TNN: variants seen among roughly 807,000 people sequenced by gnomAD.
TNN encodes tenascin-N.
Under a neutral mutation model 134.4 loss-of-function variants are expected in TNN, and 122 were observed. The observed-to-expected ratio is 0.91, with a 90% confidence interval of 0.78 to 1.06. TNN has a LOEUF of 1.06. Ranked by LOEUF, TNN falls within the 50% of genes least tolerant of loss-of-function variation. TNN has a pLI of 0.00. For synonymous variants in TNN, 710 were observed against 670.3 expected (o/e 1.06, Z -0.91); for missense variants, 1,739 against 1,699.4 (o/e 1.02, Z -0.41).
At chr1:175,078,582 G>A (rs528366394) in intron 2 of TNN, among the ~76,000 whole-genome samples, 5 of 152,192 alleles carry the variant, frequency 3.3e-5, no homozygotes, top group African/African-American at 9.6e-5. Flanking sequence ...TACAGAACTC[G>A]GCACCAGGGA....
At chr1:175,131,292 A>G (rs1675667660) in intron 15 of TNN, among the ~76,000 whole-genome samples, 1 of 152,200 alleles carries the variant, frequency 6.6e-6, no homozygotes. Flanking sequence ...GAAAGTCTTA[A>G]TGCATTAGAG....
intron 1 of TNN, 102 bp from the exon 2 acceptor site, chr1:175,077,282 C>T: frequency 1.1e-6 from 1 of 884,430 alleles, no homozygotes; most frequent in South Asian, 1.7e-5. Flanking sequence ...GTTCTTTCTG[C>T]TGGTTTCCCA....
chr1:175,103,568 GT>G (rs1348324834), intron 9 of TNN, among the ~76,000 whole-genome samples: 2 of 145,480 alleles, frequency 1.4e-5, no homozygotes, highest in Non-Finnish European at 1.5e-5. Flanking sequence ...GGGATATGCT[GT>G]TTTTTTCTTT....
chr1:175,077,874 C>T, intron 2 of TNN, 47 bp downstream of exon 2: 1 of 1,553,868 alleles, frequency 6.4e-7, no homozygotes, highest in Admixed American at 1.8e-5. Flanking sequence ...TGATGAGCAC[C>T]TATTATGTGC....
chr1:175,077,991 ACTGGTACTAGCTC>A (rs1674090911), intron 2 of TNN, among the ~76,000 whole-genome samples, 164 bp downstream of exon 2: 1 of 152,068 alleles, frequency 6.6e-6, no homozygotes, highest in Admixed American at 6.5e-5. Context: ...TCATTTATTC[ACTGGTACTAGCTC>A]CAGGGGGCAT....
chr1:175,112,177 C>T (rs1427308536), intron 9 of TNN, among the ~76,000 whole-genome samples: 3 of 151,776 alleles, frequency 2.0e-5, no homozygotes, highest in Non-Finnish European at 2.9e-5. Context: ...TTATATCTAG[C>T]TTGTTTAGGG....
At position 175,085,417 on chromosome 1, in the gene TNN, G is replaced by T. The variant is rs1674301243; in HGVS notation, c.1247G>T (p.Gly416Val). Residue 416 changes from glycine to valine, a missense_variant, in exon 6 of 19, where the codon GGG (glycine) becomes GTG (valine). Coordinates refer to ENST00000239462, the MANE Select transcript of TNN (RefSeq NM_022093.2). ...SRYDITGLHPGTEYKITVVPM... is the reference protein window; with the variant it reads ...SRYDITGLHPVTEYKITVVPM... ...TGCTTGTTTCCAGGTCTGCACCCGG[G>T]GACTGAGTATAAGATCACGGTGGTG... 2 of 1,611,926 alleles carry T rather than the reference G, an allele frequency of 1.2e-6. No homozygotes were observed. The highest frequency in any genetic ancestry group is 1.7e-6 in the Non-Finnish European group (2 of 1,178,584).
At chr1:175,131,013 A>AAACATTTT (rs995517409) in intron 15 of TNN, among the ~76,000 whole-genome samples, 4 of 152,074 alleles carry the variant, frequency 2.6e-5, no homozygotes, top group African/African-American at 7.3e-5. Context: ...CTTCCCCACA[A>AAACATTTT]AACATTTTAC....
At chr1:175,134,759 A>C (rs941943028) in intron 15 of TNN, among the ~76,000 whole-genome samples, 3 of 151,898 alleles carry the variant, frequency 2.0e-5, no homozygotes, top group Admixed American at 1.3e-4. Context: ...ACTTCCATCT[A>C]TTCTCAGGGC....
chr1:175,107,012 G>A (rs1164509294), intron 9 of TNN, among the ~76,000 whole-genome samples: 1 of 146,100 alleles, frequency 6.8e-6, no homozygotes, highest in Non-Finnish European at 1.5e-5. Flanking sequence ...GGGGTCCGAT[G>A]GTACTCACTG....
At chr1:175,088,194 G>T (rs148353596) in intron 6 of TNN, among the ~76,000 whole-genome samples, 2 of 152,106 alleles carry the variant, frequency 1.3e-5, no homozygotes, top group African/African-American at 4.8e-5. Flanking sequence ...CCCCTTGTTA[G>T]GGGGGTGGGT....
chr1:175,111,712 C>A (rs1675030906), intron 9 of TNN, among the ~76,000 whole-genome samples: 1 of 151,202 alleles, frequency 6.6e-6, no homozygotes, highest in African/African-American at 2.4e-5. Flanking sequence ...TCTTTCACCT[C>A]TTTGGTTAAA....
intron 1 of TNN, 81 bp downstream of exon 1, chr1:175,068,016 A>G: frequency 2.2e-6 from 1 of 445,650 alleles, no homozygotes; most frequent in Non-Finnish European, 4.5e-6. Flanking sequence ...GTGGTGGCTC[A>G]GGTGCCTCCG....
Position 175,118,655 on chromosome 1 carries a change from T to G in TNN, c.2481T>G (p.Tyr827Ter). 6.2e-7 allele frequency: 1 copy of G among 1,614,160 alleles called. No homozygotes were observed. Among genetic ancestry groups the G allele is most frequent in the South Asian group, 1.1e-5 (1 of 91,084 alleles). The change falls in exon 11 of 19, where the codon TAT (tyrosine) becomes TAG (stop). Residue 827 changes from tyrosine (Y) to a stop codon, truncating the protein, a stop_gained. Transcript: ENST00000239462. LOFTEE classifies it high-confidence loss of function. ...CGGTGCAGGCCACCATTGACAGGTA[T>G]GTGGTGCACTACACGTCTGCCAACG... The part of the protein sequence containing the change: ...WDPVQATIDR[Y>*]VVHYTSANGE...
chr1:175,081,120 G>C (rs180771392), intron 4 of TNN, among the ~76,000 whole-genome samples: 1 of 152,318 alleles, frequency 6.6e-6, no homozygotes, highest in Admixed American at 6.5e-5. Flanking sequence ...GGAAGCCAAA[G>C]GGTCAGGTAA....
At position 175,147,171 on chromosome 1, in the gene TNN, CG is replaced by C; in HGVS notation, c.*101del. On this transcript the variant is annotated 3_prime_UTR_variant, in exon 19 of 19. Coordinates refer to ENST00000239462, the MANE Select transcript of TNN (RefSeq NM_022093.2). The stretch of plus-strand genomic sequence containing the variant: ...GCGGTCTGGGAGTGCTCAGATAGCC[CG>C]CAGAACAAATCATGTCACCAAGCTT... 1.7e-6 allele frequency: 2 copies of C among 1,175,514 alleles called. No individual in the cohort carries two copies. Among genetic ancestry groups the C allele is most frequent in the South Asian group, 5.3e-5 (2 of 37,630 alleles). The allele number at this position is 1,175,514 out of a possible 1,614,324, so 72.8% of individuals were successfully genotyped here.
Position 175,135,909 on chromosome 1 carries a change from GC to G in TNN, c.3396del (p.Phe1133LeufsTer5). 6.2e-7 allele frequency: 1 copy of G among 1,613,854 alleles called. No individual in the cohort carries two copies. On this transcript the variant is annotated frameshift_variant, in exon 16 of 19. Transcript: ENST00000239462. LOFTEE classifies it high-confidence loss of function. Reference protein sequence around the residue: ...FFKRWRSYVEGFGDPMKEFWL... With the variant: ...FFKRWRSYVEXFGDPMKEFWL... ...AAGCGATGGAGGAGCTATGTGGAAG[GC>G]TTTGGGGACCCCATGAAGGAGTTCT...
chr1:175,137,998 G>A (rs1340294072), intron 17 of TNN, among the ~76,000 whole-genome samples: 2 of 152,218 alleles, frequency 1.3e-5, no homozygotes, highest in East Asian at 3.8e-4. Flanking sequence ...AGCTGGATCT[G>A]CAAAAAGGGG....
rs1676093881 is a variant in TNN at position 175,147,279 on chromosome 1, C to T, written c.*208C>T. On this transcript the variant is annotated 3_prime_UTR_variant, in exon 19 of 19. Transcript: ENST00000239462. ...CTTGAAAATCAAAATAGTAGTTGCA[C>T]AGTATGTGTAGGAAAGACAGTACTG... The T allele has an allele frequency of 6.7e-6, 3 of 446,548 alleles. No individual in the cohort carries two copies. The highest frequency in any genetic ancestry group is 1.2e-5 in the Non-Finnish European group (3 of 257,648). 27.7% of individuals were successfully genotyped at this position (446,548 alleles called of 1,614,324 possible).
Sources: gnomAD v4.1 joint callset for allele counts (sites outside exome capture counted in the v4.1 genomes callset) on GRCh38, gnomAD v4.1.1 for gene constraint, MANE v1.5 for transcripts, NCBI Gene and HGNC (gene_info 2026-07-23, HGNC 2026-07-21) for gene names.